Variants in APOD observed in about 807,000 individuals in gnomAD.
APOD encodes the protein apo-D.
A neutral mutation model predicts 20.4 loss-of-function variants in APOD; 22 were observed. That is an observed-to-expected ratio of 1.08 (90% confidence interval 0.77 to 1.54). APOD has a LOEUF of 1.54. Among genes scored for constraint, APOD ranks in the 40% most tolerant of loss-of-function variants. The pLI is 0.00. For missense variants in APOD, 223 were observed against 229.6 expected (o/e 0.97, Z 0.19); for synonymous variants, 97 against 92.4 (o/e 1.05, Z -0.29).
chr3:195,582,259 A>T (rs1421200102), intron 1 of APOD, among the ~76,000 whole-genome samples: 1 of 152,310 alleles, frequency 6.6e-6, no homozygotes, highest in East Asian at 1.9e-4. Context: ...GACAGCATCC[A>T]TTATAGTTTT....
intron 1 of APOD, among the ~76,000 whole-genome samples, chr3:195,580,368 C>CTTT (rs201305902): frequency 0.056 from 7,821 of 140,544 alleles, 559 homozygotes; most frequent in African/African-American, 0.16. Context: ...TTTCTTTCTT[C>CTTT]TTTTTTTTTT....
intron 2 of APOD, among the ~76,000 whole-genome samples, chr3:195,576,601 G>A (rs1239686798): frequency 6.6e-6 from 1 of 152,128 alleles, no homozygotes; most frequent in Non-Finnish European, 1.5e-5. Flanking sequence ...CTTGAGGTCA[G>A]GAGTTCAAGA....
At chr3:195,571,477 G>T in intron 3 of APOD, 112 bp from the exon 4 acceptor site, 2 of 901,538 alleles carry the variant, frequency 2.2e-6, no homozygotes, top group Non-Finnish European at 3.4e-6. Flanking sequence ...TAAGGACCGT[G>T]GCAGCCAACA....
intron 3 of APOD, among the ~76,000 whole-genome samples, chr3:195,572,023 T>C (rs1343421814): frequency 6.6e-6 from 1 of 152,170 alleles, no homozygotes; most frequent in Non-Finnish European, 1.5e-5. Flanking sequence ...TCAGGCAATC[T>C]ACCTGCCTCA....
chr3:195,578,689 AGC>A, intron 2 of APOD, among the ~76,000 whole-genome samples: 1 of 152,246 alleles, frequency 6.6e-6, no homozygotes, highest in East Asian at 1.9e-4. Context: ...GGCTTTCCTG[AGC>A]CCTGTTTGAG....
In APOD at chr3:195,568,925, T is replaced by C; in HGVS notation, c.545A>G (p.Gln182Arg). ...TTACGAGAGCTTGGGGCAGTTCACC[T>C]GGTCTGTGACCGTCATTTTCTTGAC... ...IDVKKMTVTD[Q>R]VNCPKLS The change falls in exon 5 of 5, where the codon CAG becomes CGG. Residue 182 changes from glutamine to arginine, a missense_variant. Coordinates refer to ENST00000343267, the MANE Select transcript of APOD (RefSeq NM_001647.4). 6.2e-7 allele frequency: 1 copy of C among 1,614,014 alleles called. No individual in the cohort carries two copies. Among genetic ancestry groups the C allele is most frequent in the South Asian group, 1.1e-5 (1 of 91,072 alleles).
intron 3 of APOD, among the ~76,000 whole-genome samples, chr3:195,572,565 G>A (rs758545949): frequency 1.1e-4 from 17 of 152,188 alleles, no homozygotes; most frequent in Admixed American, 2.0e-4. Flanking sequence ...TGGGAGAAGG[G>A]GAAAGGTGTG....
At chr3:195,582,277 C>A (rs1203384883) in intron 1 of APOD, among the ~76,000 whole-genome samples, 1 of 152,090 alleles carries the variant, frequency 6.6e-6, no homozygotes. Flanking sequence ...TTTCAATGTC[C>A]TTTCATTCTA....
intron 1 of APOD, among the ~76,000 whole-genome samples, chr3:195,580,792 C>T (rs1720325415): frequency 1.3e-5 from 2 of 152,168 alleles, no homozygotes; most frequent in South Asian, 4.1e-4. Flanking sequence ...CATTTCAACC[C>T]CAAGAGTCCT....
chr3:195,579,018 C>A (rs1720291390), intron 2 of APOD, among the ~76,000 whole-genome samples: 1 of 152,182 alleles, frequency 6.6e-6, no homozygotes, highest in Non-Finnish European at 1.5e-5. Flanking sequence ...ATCGGAGGGG[C>A]ATGCTCCACG....
intron 3 of APOD, among the ~76,000 whole-genome samples, chr3:195,572,297 C>T (rs1322233674): frequency 6.6e-6 from 1 of 152,122 alleles, no homozygotes; most frequent in African/African-American, 2.4e-5. Flanking sequence ...TCAATGTAGG[C>T]CAAGTAAAAG....
intron 1 of APOD, among the ~76,000 whole-genome samples, chr3:195,580,658 G>T (rs1203693839): frequency 6.6e-6 from 1 of 152,166 alleles, no homozygotes; most frequent in African/African-American, 2.4e-5. Flanking sequence ...ACCCGCCTTG[G>T]CCTCCCAAAG....
At chr3:195,576,906 C>T (rs531573075) in intron 2 of APOD, among the ~76,000 whole-genome samples, 2 of 152,066 alleles carry the variant, frequency 1.3e-5, no homozygotes, top group South Asian at 4.1e-4. Context: ...AAAGGCCGGG[C>T]ACGGTGGCTT....
intron 1 of APOD, among the ~76,000 whole-genome samples, chr3:195,581,857 C>T (rs1293721377): frequency 2.0e-5 from 3 of 152,204 alleles, no homozygotes; most frequent in Non-Finnish European, 4.4e-5. Flanking sequence ...CTCTTGGTTA[C>T]ATTAGTTTTA....
chr3:195,570,180 C>G (rs1229717950), intron 4 of APOD, among the ~76,000 whole-genome samples: 7 of 152,138 alleles, frequency 4.6e-5, no homozygotes, highest in Non-Finnish European at 1.0e-4. Flanking sequence ...CACTCCAATC[C>G]CCGTCCCTGA....
At chr3:195,574,065 G>A (rs1720211410) in intron 2 of APOD, 94 bp from the exon 3 acceptor site, 5 of 1,517,164 alleles carry the variant, frequency 3.3e-6, no homozygotes, top group South Asian at 1.3e-5. Flanking sequence ...CCTGTCCTGG[G>A]GAAGCCAGAC....
At chr3:195,577,411 A>G (rs1720265960) in intron 2 of APOD, among the ~76,000 whole-genome samples, 1 of 152,226 alleles carries the variant, frequency 6.6e-6, no homozygotes, top group African/African-American at 2.4e-5. Flanking sequence ...TACTCCCCAA[A>G]TTGATCTTCA....
At position 195,568,991 on chromosome 3, in the gene APOD, A is replaced by C. The variant is rs780502951; in HGVS notation, c.479T>G (p.Val160Gly). 1.4e-5 allele frequency: 23 copies of C among 1,614,012 alleles called. No homozygotes were observed. Among genetic ancestry groups the C allele is most frequent in the Non-Finnish European group, 1.6e-5 (19 of 1,180,010 alleles). The change falls in exon 5 of 5, where the codon GTG becomes GGG. Residue 160 changes from valine to glycine, a missense_variant. Val to Gly is a moderately radical substitution (Grantham distance 109). Transcript: ENST00000343267. ...AGTCAGGATATTTTTTAGAGAGTCC[A>C]CTGTTTCTGGAGGGAGATTAGGGTT... ...ARNPNLPPETVDSLKNILTSN... is the reference protein window; with the variant it reads ...ARNPNLPPETGDSLKNILTSN...
chr3:195,578,662 C>G (rs1275798603), intron 2 of APOD, among the ~76,000 whole-genome samples: 6 of 152,124 alleles, frequency 3.9e-5, no homozygotes, highest in African/African-American at 7.2e-5. Context: ...ACCAAGAAAG[C>G]CCCCTGGAGA....
Sources: allele counts gnomAD v4.1 joint callset (sites outside exome capture counted in the v4.1 genomes callset), GRCh38; gene constraint gnomAD v4.1.1; transcripts MANE v1.5; gene names NCBI Gene and HGNC (gene_info 2026-07-23, HGNC 2026-07-21).